The following ARSJ variants were observed in gnomAD, a reference collection of about 807,000 sequenced individuals.
The protein encoded by ARSJ is arylsulfatase J.
In ARSJ, 26 loss-of-function variants were observed where a neutral mutation model predicts 35.9. The ratio of observed to expected loss-of-function variants is 0.72; its 90% CI spans 0.53 to 1.00. The LOEUF (loss-of-function observed/expected upper bound fraction) is 1.00. Among genes scored for constraint, ARSJ ranks in the 50% least tolerant of loss-of-function variants. The probability of loss-of-function intolerance (pLI) is 0.00; values close to 1 mark genes in which losing one functional copy is unlikely to be tolerated. For synonymous variants in ARSJ, 294 were observed against 267.6 expected, an observed-to-expected ratio of 1.10 and a Z score of -0.96; for missense variants, 667 against 723.6, an observed-to-expected ratio of 0.92 and a Z score of 0.90.
rs199947818 is a variant in ARSJ at position 113,951,346 on chromosome 4, CCTCA to C, written c.398+27087_398+27090del. Among the ~76,000 whole-genome samples, 165 of 152,152 alleles carry C rather than the reference CCTCA, an allele frequency of 1.1e-3. 6 individuals are homozygous for C. In the East Asian group the frequency reaches 0.03, roughly 27 times the overall value. The stretch of plus-strand genomic sequence containing the variant: ...AGTTGTTTCAGTTATTTCAGCCAAT[CCTCA>C]TGCTCTCTGGTTGCCAGATCTCCTT... On this transcript the variant is annotated intron_variant, in intron 1 of 1. Transcript: ENST00000315366.
chr4:113,920,952 C>T (rs1313673134), intron 1 of ARSJ, among the ~76,000 whole-genome samples: 1 of 152,034 alleles, frequency 6.6e-6, no homozygotes, highest in Non-Finnish European at 1.5e-5. Flanking sequence ...CTAATAATAA[C>T]AGACTGGAAC....
At chr4:113,938,200 A>G (rs187710275) in intron 1 of ARSJ, among the ~76,000 whole-genome samples, 64 of 152,206 alleles carry the variant, frequency 4.2e-4, no homozygotes, top group Middle Eastern at 3.4e-3. Context: ...ACATAGACCA[A>G]TGGAACAGAA....
At chr4:113,926,692 G>A (rs146276824) in intron 1 of ARSJ, among the ~76,000 whole-genome samples, 2 of 152,116 alleles carry the variant, frequency 1.3e-5, no homozygotes, top group African/African-American at 4.8e-5. Context: ...ATGGAATGCT[G>A]CTGTGCACAA....
intron 1 of ARSJ, among the ~76,000 whole-genome samples, chr4:113,908,041 G>A (rs77694556): frequency 0.015 from 2,219 of 152,226 alleles, 57 homozygotes; most frequent in African/African-American, 0.05. Context: ...TCCGTGACAT[G>A]CAATTTATCC....
At chr4:113,912,400 T>A (rs1205779843) in intron 1 of ARSJ, among the ~76,000 whole-genome samples, 1 of 152,036 alleles carries the variant, frequency 6.6e-6, no homozygotes, top group South Asian at 2.1e-4. Flanking sequence ...TATTCTTTAG[T>A]AGAATGGTGT....
chr4:113,977,673 C>T (rs923680854), intron 1 of ARSJ, among the ~76,000 whole-genome samples: 2 of 152,150 alleles, frequency 1.3e-5, no homozygotes, highest in African/African-American at 2.4e-5. Flanking sequence ...AATGTTTGAA[C>T]AATTTAAGTA....
intron 1 of ARSJ, among the ~76,000 whole-genome samples, chr4:113,954,243 T>C (rs1257379891): frequency 1.3e-5 from 2 of 152,040 alleles, no homozygotes; most frequent in Admixed American, 6.6e-5. Context: ...CCACAACATA[T>C]ATGAATACAA....
chr4:113,921,204 T>C (rs1723657103), intron 1 of ARSJ, among the ~76,000 whole-genome samples: 4 of 151,826 alleles, frequency 2.6e-5, no homozygotes, highest in Middle Eastern at 3.4e-3. Context: ...CCATAAAAAA[T>C]TGATTACAAG....
chr4:113,927,628 C>A (rs1724154553), intron 1 of ARSJ, among the ~76,000 whole-genome samples: 1 of 152,190 alleles, frequency 6.6e-6, no homozygotes, highest in Non-Finnish European at 1.5e-5. Flanking sequence ...GGCTGCATAC[C>A]AGGTACCAGG....
chr4:113,950,682 T>G (rs1725812311), intron 1 of ARSJ, among the ~76,000 whole-genome samples: 1 of 152,104 alleles, frequency 6.6e-6, no homozygotes, highest in African/African-American at 2.4e-5. Context: ...TTTTGTAATG[T>G]GAATATTAAA....
chr4:113,924,044 TAA>T lies in ARSJ; in HGVS notation c.399-20371_399-20370del, dbSNP rs1554115265. Among the ~76,000 whole-genome samples, 50 of 3,502 alleles carry T rather than the reference TAA, an allele frequency of 0.014. No individual in the cohort carries two copies. The Admixed American group carries it at 0.16, about 11-fold the overall frequency. The allele number at this position is 3,502 out of a possible 152,430, so 2.3% of individuals were successfully genotyped here. ...CTACATATATATATATAAATATATA[TAA>T]ATATATATAAATATATATAAATATA... On this transcript the variant is annotated intron_variant, in intron 1 of 1. Transcript: ENST00000315366.
chr4:113,957,160 G>A (rs931306826), intron 1 of ARSJ, among the ~76,000 whole-genome samples: 1 of 152,036 alleles, frequency 6.6e-6, no homozygotes, highest in Non-Finnish European at 1.5e-5. Context: ...GGGGAGGAAG[G>A]CCTTGAGGAA....
At position 113,902,931 on chromosome 4, in the gene ARSJ, G is replaced by A. The variant is rs188514890; in HGVS notation, c.1143C>T (p.Tyr381=). 6,535 of 1,614,122 alleles carry A rather than the reference G, an allele frequency of 4.0e-3. 21 individuals are homozygous for A. Among genetic ancestry groups the A allele is most frequent in the Non-Finnish European group, 4.9e-3 (5,811 of 1,180,010 alleles). Residue 381 remains tyrosine, a synonymous_variant, in exon 2 of 2, where the codon TAC becomes TAT. Transcript: ENST00000315366. ...CTTCAGCCAGTGAAATGAGAGTGGG[G>A]TACCAGTCAGTGATGTGCACAAGTT... ...CKELVHITDW[Y]PTLISLAEGQ...
chr4:113,957,661 G>A lies in ARSJ; in HGVS notation c.398+20776C>T, dbSNP rs75422487. 2.1e-3 allele frequency among the ~76,000 whole-genome samples: 313 copies of A among 152,124 alleles called. 8 individuals carry two copies. In the East Asian group the frequency reaches 0.054, roughly 26 times the overall value. ...AACATTTACTTTCATAGTTCACGGT[G>A]ACTGATTTGTGTATTGAACACAATG... On this transcript the variant is annotated intron_variant, in intron 1 of 1. Coordinates refer to ENST00000315366, the MANE Select transcript of ARSJ (RefSeq NM_024590.4).
intron 1 of ARSJ, among the ~76,000 whole-genome samples, chr4:113,920,187 C>T (rs1018013242): frequency 8.5e-5 from 13 of 152,116 alleles, no homozygotes; most frequent in African/African-American, 3.1e-4. Context: ...CTAACTCTTA[C>T]ACAAGATGAT....
At chr4:113,958,627 A>G (rs1726345098) in intron 1 of ARSJ, among the ~76,000 whole-genome samples, 1 of 152,036 alleles carries the variant, frequency 6.6e-6, no homozygotes, top group African/African-American at 2.4e-5. Context: ...ACTTTAGCCG[A>G]TACATATATA....
chr4:113,926,593 T>C (rs1232604416), intron 1 of ARSJ, among the ~76,000 whole-genome samples: 2 of 152,046 alleles, frequency 1.3e-5, no homozygotes, highest in Non-Finnish European at 1.5e-5. Context: ...GTGGGGACCA[T>C]GGGTATTTGA....
At chr4:113,960,767 T>G (rs1367525238) in intron 1 of ARSJ, among the ~76,000 whole-genome samples, 2 of 152,034 alleles carry the variant, frequency 1.3e-5, no homozygotes, top group Non-Finnish European at 2.9e-5. Context: ...GTTAAGAAAA[T>G]TCCCTCAAAG....
At chr4:113,953,508 A>C (rs1725987632) in intron 1 of ARSJ, among the ~76,000 whole-genome samples, 1 of 152,114 alleles carries the variant, frequency 6.6e-6, no homozygotes, top group African/African-American at 2.4e-5. Flanking sequence ...TAATGGATAC[A>C]AACTTAGTAC....
Sources: gnomAD v4.1 joint callset for allele counts (sites outside exome capture counted in the v4.1 genomes callset) on GRCh38, gnomAD v4.1.1 for gene constraint, MANE v1.5 for transcripts, NCBI Gene and HGNC (gene_info 2026-07-23, HGNC 2026-07-21) for gene names.